Variants in NCKAP5L observed in about 807,000 individuals in gnomAD.
NCKAP5L encodes nck-associated protein 5-like.
A neutral mutation model predicts 103.2 loss-of-function variants in NCKAP5L; 54 were observed. That is an observed-to-expected ratio of 0.52 (90% CI 0.42 to 0.66). The LOEUF (loss-of-function observed/expected upper bound fraction) is 0.66, where lower values mean the gene tolerates loss of function less well. Among genes scored for constraint, NCKAP5L ranks in the 30% least tolerant of loss-of-function variants. NCKAP5L has a pLI of 0.00. For missense variants in NCKAP5L, 1,733 were observed against 1,750.6 expected (o/e 0.99, Z 0.18); for synonymous variants, 762 against 748.6 (o/e 1.02, Z -0.29).
At chr12:49,812,529 G>GC (rs1946252670) in intron 1 of NCKAP5L, among the ~76,000 whole-genome samples, 1 of 151,934 alleles carries the variant, frequency 6.6e-6, no homozygotes, top group African/African-American at 2.4e-5. Context: ...GACTACAGGC[G>GC]CCCGCCACCA....
intron 3 of NCKAP5L, among the ~76,000 whole-genome samples, chr12:49,803,562 C>A (rs1023552110): frequency 7.9e-5 from 12 of 152,106 alleles, no homozygotes; most frequent in African/African-American, 2.4e-4. Flanking sequence ...ACCCTTATCC[C>A]TCAACTCCTG....
chr12:49,811,323 A>G (rs1946237614), intron 1 of NCKAP5L, among the ~76,000 whole-genome samples: 1 of 152,030 alleles, frequency 6.6e-6, no homozygotes, highest in African/African-American at 2.4e-5. Context: ...CTGTGCCATG[A>G]GTAGCACACA....
chr12:49,795,736 C>A lies in NCKAP5L; in HGVS notation c.2124G>T (p.Met708Ile). 1 of 1,604,048 alleles carries A rather than the reference C, an allele frequency of 6.2e-7. No individual in the cohort carries two copies. Among genetic ancestry groups the A allele is most frequent in the East Asian group, 2.3e-5 (1 of 44,138 alleles). ...CCAGTGGCCTGTGGATGGAGGGCAC[C>A]ATGTCTCCAGCACTCTCCCCTGACT... ...PGKSGESAGD[M>I]VPSIHRPLEQ... Residue 708 changes from methionine to isoleucine, a missense_variant, in exon 8 of 13, where the codon ATG (methionine) becomes ATT (isoleucine). Met to Ile is a conservative substitution (Grantham distance 10). Transcript: ENST00000335999.
At chr12:49,819,031 TA>T (rs528968275) in intron 1 of NCKAP5L, among the ~76,000 whole-genome samples, 8,141 of 122,304 alleles carry the variant, frequency 0.067, 374 homozygotes, top group South Asian at 0.19. Context: ...ACCTTGTATT[TA>T]AAAAAAAAAA....
rs368294938 is a variant in NCKAP5L, at chr12:49,795,775, G to C, written c.2085C>G (p.Thr695=). ...GVPARPGTEK[T]RGPGKSGESA... is the part of the protein sequence containing the mutation. ...TCTCCCCTGACTTCCCAGGTCCCCG[G>C]GTCTTTTCGGTGCCAGGCCTGGCTG... Residue 695 remains threonine, a synonymous_variant, in exon 8 of 13, where the codon ACC becomes ACG. Transcript: ENST00000335999. 3 of 1,586,292 alleles carry C rather than the reference G, an allele frequency of 1.9e-6. No homozygotes were observed. Among genetic ancestry groups the C allele is most frequent in the Non-Finnish European group, 2.6e-6 (3 of 1,166,584 alleles).
chr12:49,797,350 T>TG lies in NCKAP5L; in HGVS notation c.509dup (p.Ala171SerfsTer31), dbSNP rs1273941653. On this transcript the variant is annotated frameshift_variant, in exon 8 of 13. Coordinates refer to ENST00000335999, the MANE Select transcript of NCKAP5L (RefSeq NM_001037806.4). LOFTEE classifies it high-confidence loss of function. This position sits in a 1 kb window ranked among gnomAD's most constrained non-coding sequence, Gnocchi z 4.5. ...CATCCAGCGCTGGGGGTGGGGCGGC[T>TG]GGGGGGCCTGGGCCTCCTGGCCTCA... 6.2e-7 allele frequency: 1 copy of TG among 1,610,674 alleles called. No homozygotes were observed.
At chr12:49,816,860 T>C (rs1455754483) in intron 1 of NCKAP5L, among the ~76,000 whole-genome samples, 1 of 151,756 alleles carries the variant, frequency 6.6e-6, no homozygotes, top group Non-Finnish European at 1.5e-5. Flanking sequence ...TGGCAAATAG[T>C]ACTAACCTAT....
chr12:49,792,043 G>C lies in NCKAP5L; in HGVS notation c.3801C>G (p.Pro1267=). ...EGLPRTPMAL[P]VDRKRSQEPS... ...GCTCCTGGCTTCGCTTCCGGTCCAC[G>C]GGCAGGGCCTGGGAAAGGAGGGGCA... Residue 1267 remains proline, a synonymous_variant, in exon 13 of 13, where the codon CCC becomes CCG. Coordinates refer to ENST00000335999, the MANE Select transcript of NCKAP5L (RefSeq NM_001037806.4). The surrounding 1 kb of genome is among the most constrained non-coding windows in gnomAD (Gnocchi z 4.5). 1 of 1,544,478 alleles carries C rather than the reference G, an allele frequency of 6.5e-7. No homozygotes were observed. The highest frequency in any genetic ancestry group is 8.7e-7 in the Non-Finnish European group (1 of 1,148,942).
At chr12:49,823,671 T>C (rs1946385266) in intron 1 of NCKAP5L, among the ~76,000 whole-genome samples, 1 of 151,542 alleles carries the variant, frequency 6.6e-6, no homozygotes, top group Non-Finnish European at 1.5e-5. Flanking sequence ...ATAGTGGATA[T>C]TGGAGAATTC....
intron 1 of NCKAP5L, among the ~76,000 whole-genome samples, chr12:49,821,932 T>C (rs1468738278): frequency 6.6e-6 from 1 of 152,068 alleles, no homozygotes; most frequent in Non-Finnish European, 1.5e-5. Flanking sequence ...CTGGGATGAG[T>C]GGTCAAGGCC....
At position 49,792,097 on chromosome 12, in the gene NCKAP5L, C is replaced by T. The variant is rs370926739; in HGVS notation, c.3793-46G>A. 6.2e-6 allele frequency: 9 copies of T among 1,452,330 alleles called. No homozygotes were observed. Among genetic ancestry groups the T allele is most frequent in the South Asian group, 1.4e-5 (1 of 71,338 alleles). The allele number at this position is 1,452,330 out of a possible 1,614,324, so 90.0% of individuals were successfully genotyped here. ...CGGGAGGAAGCTCCTCTCCACCTTT[C>T]GGCCCAGCCTCAGAGGCACTGAGCT... On this transcript the variant is annotated intron_variant, in intron 12 of 12. Transcript: ENST00000335999. This position sits in a 1 kb window ranked among gnomAD's most constrained non-coding sequence, Gnocchi z 4.5.
At chr12:49,824,805 C>T (rs935842464) in intron 1 of NCKAP5L, among the ~76,000 whole-genome samples, 3 of 152,228 alleles carry the variant, frequency 2.0e-5, no homozygotes, top group Non-Finnish European at 4.4e-5. Context: ...TCCAACCCTC[C>T]AGGTCAGTGT....
chr12:49,821,267 A>C (rs1463456264), intron 1 of NCKAP5L, among the ~76,000 whole-genome samples: 1 of 152,146 alleles, frequency 6.6e-6, no homozygotes, highest in Admixed American at 6.5e-5. Flanking sequence ...CCACCCCCCA[A>C]CTTCCCCTCA....
At chr12:49,824,507 G>A (rs918643022) in intron 1 of NCKAP5L, among the ~76,000 whole-genome samples, 1 of 152,218 alleles carries the variant, frequency 6.6e-6, no homozygotes, top group East Asian at 1.9e-4. Flanking sequence ...GGCCAGTGCC[G>A]TAGAAACCTG....
In NCKAP5L at chr12:49,793,777, C is replaced by T. The variant is rs1269813031; in HGVS notation, c.3215G>A (p.Gly1072Asp). Residue 1072 changes from glycine to aspartate, a missense_variant, in exon 9 of 13, where the codon GGC (glycine) becomes GAC (aspartate). Physicochemically the swap from Gly to Asp is moderately conservative, Grantham distance 94 (BLOSUM62 -1). Transcript: ENST00000335999. ...GCAGCCCTGAAGAGGGCCCACCAGG[C>T]CATTCCGGGGCCCACAGGCTGGCCA... ...SPWPACGPRN[G>D]LVGPLQGCGK... 5 of 1,604,236 alleles carry T rather than the reference C, an allele frequency of 3.1e-6. No homozygotes were observed. The South Asian group carries it at 5.6e-5, about 18-fold the overall frequency.
In NCKAP5L at chr12:49,803,986, C is replaced by A. The variant is rs766399930; in HGVS notation, c.59G>T (p.Gly20Val). The A allele has an allele frequency of 2.5e-5, 41 of 1,612,332 alleles. No homozygotes were observed. The highest frequency in any genetic ancestry group is 3.3e-5 in the Non-Finnish European group (39 of 1,180,002). ...GCCTGGCTCCATGCTGCCATCATCA[C>A]CCTCTCCTGGCCTTGGGTTTCCAGG... ...GGPGNPRPGE[G>V]DDGSMEPGTC... The change falls in exon 3 of 13, where the codon GGT (glycine) becomes GTT (valine). Residue 20 changes from glycine to valine, a missense_variant. Transcript: ENST00000335999.
Position 49,798,419 on chromosome 12 carries a change from G to A in NCKAP5L, c.396C>T (p.Ser132=). ...GTCCCTCAGTGGAGCTCAGGGAGGG[G>A]GAGGCTGGTGGCTCTGATGGTGGCT... ...PLQPPSEPPA[S]PSLSSTEGPA... is the part of the protein sequence containing the mutation. Residue 132 remains serine (S), a synonymous_variant, in exon 7 of 13, where the codon TCC becomes TCT. Coordinates refer to ENST00000335999, the MANE Select transcript of NCKAP5L (RefSeq NM_001037806.4). 1.3e-6 allele frequency: 2 copies of A among 1,581,250 alleles called. No individual in the cohort carries two copies. Among genetic ancestry groups the A allele is most frequent in the Non-Finnish European group, 1.7e-6 (2 of 1,163,410 alleles).
Position 49,803,014 on chromosome 12 carries a change from C to T in NCKAP5L, c.193-18G>A, listed in dbSNP as rs369054484. 30 of 1,614,100 alleles carry T rather than the reference C, an allele frequency of 1.9e-5. No individual in the cohort carries two copies. The highest frequency in any genetic ancestry group is 3.3e-5 in the Admixed American group (2 of 60,008). ...TTGGCAACCTGGGGACAGAAAGCCC[C>T]GAGGCAGAGCCATCAGCTGACCCCA... On this transcript the variant is annotated intron_variant, in intron 4 of 12. Transcript: ENST00000335999.
At chr12:49,818,700 T>C (rs142513212) in intron 1 of NCKAP5L, among the ~76,000 whole-genome samples, 2 of 152,004 alleles carry the variant, frequency 1.3e-5, no homozygotes, top group East Asian at 3.9e-4. Context: ...CCAGTGGGTA[T>C]ACGAAAAAAT....
Sources: gnomAD v4.1 joint callset for allele counts (sites outside exome capture counted in the v4.1 genomes callset) on GRCh38, gnomAD v4.1.1 for gene constraint, Gnocchi (gnomAD v3.1) non-coding constraint, MANE v1.5 for transcripts, NCBI Gene and HGNC (gene_info 2026-07-23, HGNC 2026-07-21) for gene names.